Variants in GPT observed in about 807,000 individuals in gnomAD.
GPT encodes the protein glutamic--pyruvic transaminase.
A neutral mutation model predicts 51.4 loss-of-function variants in GPT; 60 were observed. The ratio of observed to expected loss-of-function variants is 1.17; its 90% confidence interval spans 0.95 to 1.45. The LOEUF (loss-of-function observed/expected upper bound fraction) is 1.45, where lower values mean the gene tolerates loss of function less well. Ranked by LOEUF, GPT falls within the 40% of genes most tolerant of loss-of-function variation. The probability of loss-of-function intolerance (pLI) is 0.00; values close to 1 mark genes in which losing one functional copy is unlikely to be tolerated. For synonymous variants in GPT, 397 were observed against 303.1 expected, an observed-to-expected ratio of 1.31 and a Z score of -3.22; for missense variants, 853 against 704.0, an observed-to-expected ratio of 1.21 and a Z score of -2.40.
At position 144,506,383 on chromosome 8, in the gene GPT, C is replaced by G. The variant is rs1479410405; in HGVS notation, c.1108C>G (p.Pro370Ala). The stretch of plus-strand genomic sequence containing the variant: ...GGTCAGCCCGCCCGCGCCCACCGAC[C>G]CCTCCTTTGCGCAGTTCCAGGCTGT... ...LVVSPPAPTD[P>A]SFAQFQAEKQ... Residue 370 changes from proline to alanine, a missense_variant, in exon 8 of 11, where the codon CCC (proline) becomes GCC (alanine). Physicochemically the swap from Pro to Ala is conservative, Grantham distance 27. Coordinates refer to ENST00000394955, the MANE Select transcript of GPT (RefSeq NM_005309.3). This position sits in a 1 kb window ranked among gnomAD's most constrained non-coding sequence, Gnocchi z 7.0. 1.3e-6 allele frequency: 2 copies of G among 1,559,654 alleles called. No individual in the cohort carries two copies. The highest frequency in any genetic ancestry group is 3.8e-5 in the Admixed American group (2 of 52,530).
rs768545254 is a variant in GPT, at chr8:144,506,459, CCGAGTG to C, written c.1132-40_1132-35del. The C allele has an allele frequency of 2.5e-6, 4 of 1,574,448 alleles. No homozygotes were observed. The African/African-American group carries it at 5.4e-5, about 21-fold the overall frequency. ...GTGACCTAATCAGGGGTGGGGGATG[CCGAGTG>C]CCGTGCCCTGATGGGCCCTCCCTCC... On this transcript the variant is annotated intron_variant, in intron 8 of 10. Coordinates refer to ENST00000394955, the MANE Select transcript of GPT (RefSeq NM_005309.3). The surrounding 1 kb of genome is among the most constrained non-coding windows in gnomAD (Gnocchi z 7.0).
At position 144,505,462 on chromosome 8, in the gene GPT, T is replaced by G; in HGVS notation, c.712T>G (p.Cys238Gly). ...TGACCACTGCCGCCCTCGTGCGCTCTGTGTCATCAACCCTGGCAACCCCAC... is the reference window on the plus strand; with the variant it reads ...TGACCACTGCCGCCCTCGTGCGCTCGGTGTCATCAACCCTGGCAACCCCAC... ...ARDHCRPRALCVINPGNPTGQ... is the reference protein window; with the variant it reads ...ARDHCRPRALGVINPGNPTGQ... The change falls in exon 5 of 11, where the codon TGT (cysteine) becomes GGT (glycine). Residue 238 changes from cysteine to glycine, a missense_variant. Cys to Gly is a radical substitution (Grantham distance 159). Transcript: ENST00000394955. 6.3e-7 allele frequency: 1 copy of G among 1,593,796 alleles called. No homozygotes were observed. The highest frequency in any genetic ancestry group is 1.7e-5 in the Admixed American group (1 of 57,792).
rs1269694360 is a variant in GPT, at chr8:144,506,405, C to A, written c.1130C>A (p.Ala377Asp). The change falls in exon 8 of 11, where the codon GCT becomes GAT. Residue 377 changes from alanine (A) to aspartate (D), a missense_variant and splice_region_variant. Coordinates refer to ENST00000394955, the MANE Select transcript of GPT (RefSeq NM_005309.3). This position sits in a 1 kb window ranked among gnomAD's most constrained non-coding sequence, Gnocchi z 7.0. ...GACCCCTCCTTTGCGCAGTTCCAGG[C>A]TGTGAGTTGGGGGCAGGAGGGGGTC... The part of the protein sequence containing the change: ...PTDPSFAQFQ[A>D]EKQAVLAELA... The A allele has an allele frequency of 1.3e-6, 2 of 1,559,796 alleles. No homozygotes were observed. Among genetic ancestry groups the A allele is most frequent in the Non-Finnish European group, 1.7e-6 (2 of 1,154,788 alleles).
In GPT at chr8:144,506,478, G is replaced by A; in HGVS notation, c.1132-23G>A. On this transcript the variant is annotated intron_variant, in intron 8 of 10. Coordinates refer to ENST00000394955, the MANE Select transcript of GPT (RefSeq NM_005309.3). The surrounding 1 kb of genome is among the most constrained non-coding windows in gnomAD (Gnocchi z 7.0). ...GGGATGCCGAGTGCCGTGCCCTGAT[G>A]GGCCCTCCCTCCGCGGCCACAGGAG... The A allele has an allele frequency of 6.3e-7, 1 of 1,588,284 alleles. No homozygotes were observed. Among genetic ancestry groups the A allele is most frequent in the South Asian group, 1.1e-5 (1 of 87,316 alleles).
chr8:144,506,637 G>A lies in GPT; in HGVS notation c.1268G>A (p.Arg423Gln), dbSNP rs768299034. 14 of 1,558,848 alleles carry A rather than the reference G, an allele frequency of 9.0e-6. No homozygotes were observed. The highest frequency in any genetic ancestry group is 3.5e-5 in the South Asian group (3 of 85,138). The change falls in exon 9 of 11, where the codon CGG becomes CAG. Residue 423 changes from arginine (R) to glutamine (Q), a missense_variant. Coordinates refer to ENST00000394955, the MANE Select transcript of GPT (RefSeq NM_005309.3). This position sits in a 1 kb window ranked among gnomAD's most constrained non-coding sequence, Gnocchi z 7.0. ...YSFPRVQLPP[R>Q]AVERAQELGL... ...TTCCCGCGCGTGCAGCTGCCCCCGC[G>A]GGCGGTGGAGCGCGCTCAGGTCAGG...
At position 144,504,297 on chromosome 8, in the gene GPT, G is replaced by A. The variant is rs1304314229; in HGVS notation, c.-8G>A. ...TGAGCTGCCTTCCCGCCTGGTCTGG[G>A]TAGAGTCATGGCCTCGAGCACAGGT... On this transcript the variant is annotated 5_prime_UTR_variant, in exon 1 of 11. Transcript: ENST00000394955. 11 of 1,607,162 alleles carry A rather than the reference G, an allele frequency of 6.8e-6. No individual in the cohort carries two copies. The highest frequency in any genetic ancestry group is 1.7e-5 in the Admixed American group (1 of 59,968).
rs1429807735 is a variant in GPT, at chr8:144,504,180, G to A, written c.-125G>A. 2.0e-6 allele frequency: 2 copies of A among 1,002,556 alleles called. No individual in the cohort carries two copies. Among genetic ancestry groups the A allele is most frequent in the African/African-American group, 3.2e-5 (2 of 63,264 alleles). 62.1% of individuals were successfully genotyped at this position (1,002,556 alleles called of 1,614,324 possible). A position where few individuals can be genotyped will look rare whatever the true frequency, so the allele number is the denominator to read the frequency against. On this transcript the variant is annotated 5_prime_UTR_variant, in exon 1 of 11. Transcript: ENST00000394955. Reference sequence around the variant, plus strand: ...GGTGAAGAGGGTGCTCTCTTGCCTGGAGTTCCCTCTGCTACGGCTGCCCCC... The same window carrying A: ...GGTGAAGAGGGTGCTCTCTTGCCTGAAGTTCCCTCTGCTACGGCTGCCCCC...
In GPT at chr8:144,505,374, G is replaced by C; in HGVS notation, c.624G>C (p.Leu208=). The C allele has an allele frequency of 1.3e-6, 2 of 1,588,142 alleles. No individual in the cohort carries two copies. The highest frequency in any genetic ancestry group is 2.3e-5 in the South Asian group (2 of 87,216). The part of the protein sequence containing the change: ...ELGAVQVDYY[L]DEERAWALDV... Reference sequence around the variant, plus strand: ...GCGCAGTGCAGGTGGATTACTACCTGGACGAGGAGCGTGCCTGGGCGCTGG... The same window carrying C: ...GCGCAGTGCAGGTGGATTACTACCTCGACGAGGAGCGTGCCTGGGCGCTGG... The change falls in exon 5 of 11, where the codon CTG becomes CTC. Residue 208 remains leucine, a synonymous_variant. Coordinates refer to ENST00000394955, the MANE Select transcript of GPT (RefSeq NM_005309.3).
Position 144,505,120 on chromosome 8 carries a change from G to T in GPT, c.484G>T (p.Asp162Tyr). The T allele has an allele frequency of 6.2e-7, 1 of 1,613,056 alleles. No individual in the cohort carries two copies. Among genetic ancestry groups the T allele is most frequent in the Non-Finnish European group, 8.5e-7 (1 of 1,180,004 alleles). The change falls in exon 4 of 11, where the codon GAT (aspartate) becomes TAT (tyrosine). Residue 162 changes from aspartate to tyrosine, a missense_variant. By Grantham distance (160) the Asp-to-Tyr change is radical (BLOSUM62 -3). Transcript: ENST00000394955. ...CGTCTTCCTGTCCACAGGGGCCAGC[G>T]ATGCCATCGTGGTAGGCTGGGCATG... ...NNVFLSTGAS[D>Y]AIVTVLKLLV...
chr8:144,505,813 G>A, intron 5 of GPT, 35 bp from the exon 6 acceptor site: 3 of 1,537,176 alleles, frequency 2.0e-6, no homozygotes, highest in Non-Finnish European at 2.6e-6. Context: ...CGCCCCCTTG[G>A]CTCACCCAGC....
rs758328894 is a variant in GPT at position 144,505,290 on chromosome 8, G to A, written c.540G>A (p.Thr180=). 1.5e-4 allele frequency: 239 copies of A among 1,579,090 alleles called. 1 individual carries two copies. In the Middle Eastern group the frequency reaches 7.6e-3, roughly 50 times the overall value. The change falls in exon 5 of 11, where the codon ACG becomes ACA. Residue 180 remains threonine, a synonymous_variant. Transcript: ENST00000394955. ...LLVAGEGHTR[T]GVLIPIPQYP... is the part of the protein sequence containing the mutation. ...TGGCCGGCGAGGGCCACACACGCAC[G>A]GGTGTGCTCATCCCCATCCCCCAGT... is the stretch of plus-strand genomic sequence containing the variant.
At position 144,506,619 on chromosome 8, in the gene GPT, G is replaced by C. The variant is rs758578129; in HGVS notation, c.1250G>C (p.Arg417Pro). ...CAGGGCGCCATGTACTCCTTCCCGC[G>C]CGTGCAGCTGCCCCCGCGGGCGGTG... ...PVQGAMYSFP[R>P]VQLPPRAVER... The change falls in exon 9 of 11, where the codon CGC (arginine) becomes CCC (proline). Residue 417 changes from arginine (R) to proline (P), a missense_variant. Physicochemically the swap from Arg to Pro is moderately radical, Grantham distance 103. Coordinates refer to ENST00000394955, the MANE Select transcript of GPT (RefSeq NM_005309.3). The surrounding 1 kb of genome is among the most constrained non-coding windows in gnomAD (Gnocchi z 7.0). 2.6e-6 allele frequency: 4 copies of C among 1,560,594 alleles called. No homozygotes were observed. The highest frequency in any genetic ancestry group is 1.4e-5 in the African/African-American group (1 of 73,928).
rs956171394 is a variant in GPT at position 144,504,895 on chromosome 8, A to G, written c.361+16A>G. 1 of 1,612,946 alleles carries G rather than the reference A, an allele frequency of 6.2e-7. No individual in the cohort carries two copies. The highest frequency in any genetic ancestry group is 8.5e-7 in the Non-Finnish European group (1 of 1,179,898). ...CACAGTCTGGGTGAGAGCCAGGGCC[A>G]GGAGGAAGCAGAGGGCCGCCCTGCC... is the stretch of plus-strand genomic sequence containing the variant. On this transcript the variant is annotated intron_variant, in intron 3 of 10. Transcript: ENST00000394955.
Position 144,506,632 on chromosome 8 carries a change from C to A in GPT, c.1263C>A (p.Pro421=), listed in dbSNP as rs1222794167. 36 of 1,556,636 alleles carry A rather than the reference C, an allele frequency of 2.3e-5. No individual in the cohort carries two copies. The highest frequency in any genetic ancestry group is 3.0e-5 in the Non-Finnish European group (35 of 1,150,262). The stretch of plus-strand genomic sequence containing the variant: ...ACTCCTTCCCGCGCGTGCAGCTGCC[C>A]CCGCGGGCGGTGGAGCGCGCTCAGG... ...AMYSFPRVQL[P]PRAVERAQEL... is the part of the protein sequence containing the mutation. Residue 421 remains proline (P), a synonymous_variant, in exon 9 of 11, where the codon CCC becomes CCA. Coordinates refer to ENST00000394955, the MANE Select transcript of GPT (RefSeq NM_005309.3). This position sits in a 1 kb window ranked among gnomAD's most constrained non-coding sequence, Gnocchi z 7.0.
chr8:144,505,978 G>A lies in GPT; in HGVS notation c.820-17G>A, dbSNP rs750681011. ...CCGGGCAACAGTCCGCCCCCGTGAC[G>A]CCTTGCGCCCTTCCAGGTGTACCAG... On this transcript the variant is annotated splice_polypyrimidine_tract_variant and intron_variant, in intron 6 of 10. Coordinates refer to ENST00000394955, the MANE Select transcript of GPT (RefSeq NM_005309.3). 4.6e-5 allele frequency: 74 copies of A among 1,612,126 alleles called. No individual in the cohort carries two copies. The Admixed American group carries it at 1.2e-3, about 26-fold the overall frequency.
chr8:144,506,980 T>C lies in GPT; in HGVS notation c.1471T>C (p.Phe491Leu), dbSNP rs1270380530. ...GAAGCTGAGCAGGTTCCATGCCAAGTTCACCCTCGAGTACTCCTGAGCACC... is the reference window on the plus strand; with the variant it reads ...GAAGCTGAGCAGGTTCCATGCCAAGCTCACCCTCGAGTACTCCTGAGCACC... ...LEKLSRFHAK[F>L]TLEYS The change falls in exon 11 of 11, where the codon TTC becomes CTC. Residue 491 changes from phenylalanine to leucine, a missense_variant. Phe to Leu is a conservative substitution (Grantham distance 22). Coordinates refer to ENST00000394955, the MANE Select transcript of GPT (RefSeq NM_005309.3). The surrounding 1 kb of genome is among the most constrained non-coding windows in gnomAD (Gnocchi z 7.0). 1 of 1,612,400 alleles carries C rather than the reference T, an allele frequency of 6.2e-7. No individual in the cohort carries two copies. Among genetic ancestry groups the C allele is most frequent in the Non-Finnish European group, 8.5e-7 (1 of 1,179,790 alleles).
In GPT at chr8:144,506,743, GC is replaced by G. The variant is rs1179063243; in HGVS notation, c.1305del (p.Asp436IlefsTer33). Reference protein sequence around the residue: ...AVERAQELGLAPDMFFCLRLL... With the variant: ...AVERAQELGLXPDMFFCLRLL... ...TCTCCGTCCACAGGAGCTGGGCCTG[GC>G]CCCCGATATGTTCTTCTGCCTGCGC... On this transcript the variant is annotated frameshift_variant, in exon 10 of 11. Transcript: ENST00000394955. LOFTEE classifies it high-confidence loss of function. The surrounding 1 kb of genome is among the most constrained non-coding windows in gnomAD (Gnocchi z 7.0). The G allele has an allele frequency of 2.0e-5, 33 of 1,611,438 alleles. No individual in the cohort carries two copies. The South Asian group carries it at 3.3e-4, about 16-fold the overall frequency.
Position 144,506,322 on chromosome 8 carries a change from C to A in GPT, c.1047C>A (p.Cys349Ter), listed in dbSNP as rs777862170. The change falls in exon 8 of 11, where the codon TGC (cysteine) becomes TGA (stop). Residue 349 changes from cysteine (C) to a stop codon, truncating the protein, a stop_gained. Transcript: ENST00000394955. LOFTEE classifies it high-confidence loss of function. This position sits in a 1 kb window ranked among gnomAD's most constrained non-coding sequence, Gnocchi z 7.0. ...TGAAGCTGATGAGTGTGCGGCTGTGCCCGCCGGTGCCAGGACAGGCCCTGC... is the reference window on the plus strand; with the variant it reads ...TGAAGCTGATGAGTGTGCGGCTGTGACCGCCGGTGCCAGGACAGGCCCTGC... ...QMLKLMSVRL[C>*]PPVPGQALLD... is the part of the protein sequence containing the mutation. 2 of 1,577,830 alleles carry A rather than the reference C, an allele frequency of 1.3e-6. No homozygotes were observed. Among genetic ancestry groups the A allele is most frequent in the East Asian group, 4.6e-5 (2 of 43,184 alleles).
chr8:144,505,885 C>G lies in GPT; in HGVS notation c.777C>G (p.Ile259Met). The change falls in exon 6 of 11, where the codon ATC becomes ATG. Residue 259 changes from isoleucine to methionine, a missense_variant. Coordinates refer to ENST00000394955, the MANE Select transcript of GPT (RefSeq NM_005309.3). ...CCCGCGAGTGCATCGAGGCCGTGAT[C>G]CGCTTCGCCTTCGAAGAGCGGCTCT... ...VQTRECIEAVIRFAFEERLFL... is the reference protein window; with the variant it reads ...VQTRECIEAVMRFAFEERLFL... 6.3e-7 allele frequency: 1 copy of G among 1,579,240 alleles called. No individual in the cohort carries two copies. Among genetic ancestry groups the G allele is most frequent in the East Asian group, 2.3e-5 (1 of 42,886 alleles).
Sources: allele counts gnomAD v4.1 joint callset, GRCh38; gene constraint gnomAD v4.1.1; non-coding constraint Gnocchi (gnomAD v3.1); transcripts MANE v1.5; gene names NCBI Gene and HGNC (gene_info 2026-07-23, HGNC 2026-07-21).